ANKRD62: variants seen among roughly 807,000 people sequenced by gnomAD.
The protein encoded by ANKRD62 is ankyrin repeat domain 62.
In ANKRD62, 61 loss-of-function variants were observed where a neutral mutation model predicts 98.8. The ratio of observed to expected loss-of-function variants is 0.62; its 90% CI spans 0.50 to 0.76. The LOEUF (loss-of-function observed/expected upper bound fraction) is 0.76, where lower values mean the gene tolerates loss of function less well. ANKRD62 is among the 30% of genes least tolerant of loss of function. ANKRD62 has a pLI of 0.00. For synonymous variants in ANKRD62, 341 were observed against 367.9 expected (o/e 0.93, Z 0.84); for missense variants, 933 against 1,082.9 (o/e 0.86, Z 1.94).
chr18:12,126,806 A>C (rs1332823968), intron 13 of ANKRD62, among the ~76,000 whole-genome samples: 1 of 152,236 alleles, frequency 6.6e-6, no homozygotes, highest in African/African-American at 2.4e-5. Flanking sequence ...CAGATTTCCC[A>C]GATGAACTAA....
chr18:12,153,331 C>G, the ANKRD62 span, among the ~76,000 whole-genome samples: 3 of 152,102 alleles, frequency 2.0e-5, no homozygotes, highest in Non-Finnish European at 4.4e-5. Context: ...TGGCTCATGC[C>G]TGTAATCCCA....
Position 12,093,922 on chromosome 18 carries a change from C to T in ANKRD62, c.-96C>T, listed in dbSNP as rs1909104219. 7 of 1,237,736 alleles carry T rather than the reference C, an allele frequency of 5.7e-6. No homozygotes were observed. The highest frequency in any genetic ancestry group is 3.0e-5 in the African/African-American group (2 of 67,146). The allele number at this position is 1,237,736 out of a possible 1,614,324, so 76.7% of individuals were successfully genotyped here. ...CGGAGGTTGCGGCTGGACCTGGTTA[C>T]GTGCTGGTGCTGCGCTCCAGAGAGG... On this transcript the variant is annotated 5_prime_UTR_variant, in exon 1 of 14. It adds an upstream start codon to the 5' untranslated region. Coordinates refer to ENST00000587848, the MANE Select transcript of ANKRD62 (RefSeq NM_001277333.2).
At chr18:12,167,844 C>G in the ANKRD62 span, among the ~76,000 whole-genome samples, 1 of 152,190 alleles carries the variant, frequency 6.6e-6, no homozygotes, top group Admixed American at 6.5e-5. Context: ...GAGATGGTAT[C>G]TCATTGTGGT....
chr18:12,175,912 C>T, the ANKRD62 span, among the ~76,000 whole-genome samples: 1 of 151,804 alleles, frequency 6.6e-6, no homozygotes, highest in South Asian at 2.1e-4. Flanking sequence ...GGATTTTAGG[C>T]CAGGCACGGT....
chr18:12,170,317 C>G, the ANKRD62 span, among the ~76,000 whole-genome samples: 1 of 152,180 alleles, frequency 6.6e-6, no homozygotes, highest in African/African-American at 2.4e-5. Flanking sequence ...CCCAGAGGTT[C>G]TGGTATGTTG....
At chr18:12,135,794 T>C in the ANKRD62 span, among the ~76,000 whole-genome samples, 2 of 152,218 alleles carry the variant, frequency 1.3e-5, no homozygotes, top group East Asian at 1.9e-4. Flanking sequence ...TGATGGCCAG[T>C]GATTATGAGC....
intron 8 of ANKRD62, among the ~76,000 whole-genome samples, chr18:12,114,862 T>C (rs1909626643): frequency 6.6e-6 from 1 of 152,114 alleles, no homozygotes; most frequent in South Asian, 2.1e-4. Flanking sequence ...AATTTTTTGA[T>C]ATTAATATAT....
chr18:12,141,055 G>A, the ANKRD62 span, among the ~76,000 whole-genome samples: 7 of 152,316 alleles, frequency 4.6e-5, no homozygotes, highest in African/African-American at 1.2e-4. Flanking sequence ...GAGCAATGGC[G>A]GGCGCCCCTC....
chr18:12,174,837 T>G, the ANKRD62 span, among the ~76,000 whole-genome samples: 1 of 152,372 alleles, frequency 6.6e-6, no homozygotes, highest in East Asian at 1.9e-4. Flanking sequence ...GACTTTGTTC[T>G]CTGGCTCCTT....
At position 12,096,310 on chromosome 18, in the gene ANKRD62, AGTT is replaced by A; in HGVS notation, c.614+9_614+11del. On this transcript the variant is annotated intron_variant, in intron 4 of 13. Coordinates refer to ENST00000587848, the MANE Select transcript of ANKRD62 (RefSeq NM_001277333.2). ...AATAGATAATTTTGGAAGGTACAGT[AGTT>A]CTTTTTTTGTTCATTTTTAAACCTG... is the stretch of plus-strand genomic sequence containing the variant. The A allele has an allele frequency of 6.7e-7, 1 of 1,483,770 alleles. No homozygotes were observed. The highest frequency in any genetic ancestry group is 1.3e-5 in the South Asian group (1 of 79,856). 91.9% of individuals were successfully genotyped at this position (1,483,770 alleles called of 1,614,324 possible). A position where few individuals can be genotyped will look rare whatever the true frequency, so the allele number is the denominator to read the frequency against.
chr18:12,140,631 G>T, the ANKRD62 span, among the ~76,000 whole-genome samples: 6 of 152,178 alleles, frequency 3.9e-5, no homozygotes, highest in Non-Finnish European at 8.8e-5. Flanking sequence ...CTGTTTGCCT[G>T]GGTATCAGCA....
the ANKRD62 span, among the ~76,000 whole-genome samples, chr18:12,164,739 C>A: frequency 6.6e-6 from 1 of 151,876 alleles, no homozygotes; most frequent in Non-Finnish European, 1.5e-5. Flanking sequence ...TCTTCATTGA[C>A]CCACTGGTTC....
At chr18:12,117,759 A>G (rs990068676) in intron 10 of ANKRD62, among the ~76,000 whole-genome samples, 2 of 152,222 alleles carry the variant, frequency 1.3e-5, no homozygotes, top group South Asian at 4.1e-4. Context: ...TTAATCTGGC[A>G]AATAACAACG....
the ANKRD62 span, among the ~76,000 whole-genome samples, chr18:12,155,900 A>G: frequency 2.7e-3 from 411 of 152,254 alleles, 4 homozygotes; most frequent in Non-Finnish European, 4.7e-3. Context: ...AGTTGGTGAT[A>G]TGGCTTAGGT....
chr18:12,094,035 G>T lies in ANKRD62; in HGVS notation c.18G>T (p.Ser6=), dbSNP rs1482884432. The T allele has an allele frequency of 8.5e-6, 13 of 1,534,996 alleles. No individual in the cohort carries two copies. Among genetic ancestry groups the T allele is most frequent in the African/African-American group, 2.7e-5 (2 of 72,856 alleles). MEVRG[S]FLAACRRRMA... ...GCTTCAGGATGGAGGTCAGGGGGTC[G>T]TTCCTGGCGGCCTGCAGGAGACGCA... The change falls in exon 1 of 14, where the codon TCG becomes TCT. Residue 6 remains serine, a synonymous_variant. Transcript: ENST00000587848.
the ANKRD62 span, among the ~76,000 whole-genome samples, chr18:12,154,705 C>T: frequency 1.3e-5 from 2 of 152,170 alleles, no homozygotes; most frequent in East Asian, 3.8e-4. Flanking sequence ...ATAGCAAAGA[C>T]ATGGAATCAA....
the ANKRD62 span, among the ~76,000 whole-genome samples, chr18:12,168,406 G>A: frequency 6.6e-6 from 1 of 152,066 alleles, no homozygotes; most frequent in Non-Finnish European, 1.5e-5. Flanking sequence ...TTTCCCCATT[G>A]CTTGTTTTTG....
chr18:12,115,567 C>A, intron 10 of ANKRD62, 33 bp downstream of exon 10: 1 of 1,516,818 alleles, frequency 6.6e-7, no homozygotes, highest in Non-Finnish European at 8.8e-7. Flanking sequence ...AGGCTCTTTC[C>A]CTATCCTATA....
the ANKRD62 span, among the ~76,000 whole-genome samples, chr18:12,139,439 T>TTG: frequency 1.3e-5 from 2 of 151,982 alleles, no homozygotes; most frequent in Non-Finnish European, 2.9e-5. Context: ...GGTCAGGAGA[T>TTG]CGAGACCATC....
Sources: gnomAD v4.1 joint callset for allele counts (sites outside exome capture counted in the v4.1 genomes callset) on GRCh38, gnomAD v4.1.1 for gene constraint, MANE v1.5 for transcripts, NCBI Gene and HGNC (gene_info 2026-07-23, HGNC 2026-07-21) for gene names.